CNTNAP2: variants seen among roughly 807,000 people sequenced by gnomAD.
CNTNAP2 encodes contactin-associated protein-like 2.
In CNTNAP2, 98 loss-of-function variants were observed where a neutral mutation model predicts 155.2. The ratio of observed to expected loss-of-function variants is 0.63; its 90% CI spans 0.54 to 0.75. The LOEUF (loss-of-function observed/expected upper bound fraction) is 0.75. Ranked by LOEUF, CNTNAP2 falls within the 30% of genes least tolerant of loss-of-function variation. CNTNAP2 has a pLI of 0.00. For synonymous variants in CNTNAP2, 651 were observed against 631.2 expected (o/e 1.03, Z -0.47); for missense variants, 1,727 against 1,688.1 (o/e 1.02, Z -0.40).
intron 1 of CNTNAP2, among the ~76,000 whole-genome samples, chr7:146,508,778 C>T (rs961946083): frequency 1.3e-5 from 2 of 152,208 alleles, no homozygotes; most frequent in Non-Finnish European, 2.9e-5. Flanking sequence ...ATTGGTGATT[C>T]AGGGACAATT....
At position 147,433,833 on chromosome 7, in the gene CNTNAP2, T is replaced by C. The variant is rs1206056695; in HGVS notation, c.1670+38053T>C. ...TCGAAAAGGAACTTATTTTCTTTGA[T>C]ATGTCTTGTTGTATGACCTTGGTAG... On this transcript the variant is annotated intron_variant, in intron 10 of 23. Transcript: ENST00000361727. Among the ~76,000 whole-genome samples the C allele has an allele frequency of 3.3e-5, 5 of 152,242 alleles. No individual in the cohort carries two copies. In the East Asian group the frequency reaches 7.7e-4, roughly 23 times the overall value.
intron 1 of CNTNAP2, among the ~76,000 whole-genome samples, chr7:146,536,429 A>G (rs1217951298): frequency 2.0e-5 from 3 of 152,028 alleles, no homozygotes; most frequent in Non-Finnish European, 4.4e-5. Flanking sequence ...AAGGAAGAAA[A>G]ACAGGAAAGT....
At chr7:146,655,311 G>A (rs983687916) in intron 1 of CNTNAP2, among the ~76,000 whole-genome samples, 17 of 149,464 alleles carry the variant, frequency 1.1e-4, no homozygotes, top group African/African-American at 3.2e-4. Flanking sequence ...CTACTCAGAA[G>A]GCTGAGGCAA....
intron 1 of CNTNAP2, among the ~76,000 whole-genome samples, chr7:146,294,096 C>A (rs1342086288): frequency 6.6e-6 from 1 of 152,120 alleles, no homozygotes; most frequent in Non-Finnish European, 1.5e-5. Context: ...CTGGGCTTTC[C>A]CTTCTGGCTA....
chr7:147,082,714 C>A (rs1328607970), intron 4 of CNTNAP2: 1 of 152,078 alleles, frequency 6.6e-6, no homozygotes, highest in African/African-American at 2.4e-5. Flanking sequence ...TTAGTTCTTA[C>A]TAAAAATTCT....
At chr7:146,910,251 T>A (rs1445788254) in intron 3 of CNTNAP2, among the ~76,000 whole-genome samples, 1 of 148,274 alleles carries the variant, frequency 6.7e-6, no homozygotes, top group Non-Finnish European at 1.5e-5. Context: ...ACAGATTCAA[T>A]GCCATCCCCA....
intron 1 of CNTNAP2, among the ~76,000 whole-genome samples, chr7:146,235,591 C>T (rs1799459156): frequency 1.3e-5 from 2 of 152,190 alleles, no homozygotes; most frequent in Admixed American, 1.3e-4. Context: ...ATCATCTTCT[C>T]TGGGGCATAA....
chr7:147,426,961 A>G (rs975534111), intron 10 of CNTNAP2, among the ~76,000 whole-genome samples: 1 of 152,202 alleles, frequency 6.6e-6, no homozygotes, highest in African/African-American at 2.4e-5. Context: ...GTGTTGTTAT[A>G]ACAAAATACC....
At chr7:147,164,523 A>T (rs185579110) in intron 8 of CNTNAP2, among the ~76,000 whole-genome samples, 3 of 152,360 alleles carry the variant, frequency 2.0e-5, no homozygotes, top group East Asian at 3.9e-4. Context: ...TTTATGGAGT[A>T]CACTGTGAAC....
chr7:146,859,776 T>A (rs1172963177), intron 3 of CNTNAP2, among the ~76,000 whole-genome samples: 1 of 151,812 alleles, frequency 6.6e-6, no homozygotes, highest in Non-Finnish European at 1.5e-5. Context: ...CCACAAATCA[T>A]AAGTGATTGA....
chr7:146,599,494 C>T (rs746452795), intron 1 of CNTNAP2, among the ~76,000 whole-genome samples: 27 of 152,158 alleles, frequency 1.8e-4, no homozygotes, highest in Admixed American at 3.9e-4. Flanking sequence ...ATCCACTTTC[C>T]TTCCTCCTTT....
intron 1 of CNTNAP2, among the ~76,000 whole-genome samples, chr7:146,610,152 T>G (rs1799110538): frequency 6.6e-6 from 1 of 152,202 alleles, no homozygotes; most frequent in South Asian, 2.1e-4. Flanking sequence ...ATAATAATCA[T>G]CATTTTCAGG....
Position 146,720,938 on chromosome 7 carries a change from T to TCTATATA in CNTNAP2, c.98-53333_98-53332insCTATATA, listed in dbSNP as rs1491381567. On this transcript the variant is annotated intron_variant, in intron 1 of 23. Coordinates refer to ENST00000361727, the MANE Select transcript of CNTNAP2 (RefSeq NM_014141.6). ...CTCTCTATATATTCTATATATATAC[T>TCTATATA]TTCTCTATATATTCTATATATATAC... 4.7e-4 allele frequency among the ~76,000 whole-genome samples: 64 copies of TCTATATA among 136,814 alleles called. 1 individual carries two copies. The highest frequency in any genetic ancestry group is 1.8e-3 in the African/African-American group (62 of 34,996). 89.8% of individuals were successfully genotyped at this position (136,814 alleles called of 152,430 possible). A position where few individuals can be genotyped will look rare whatever the true frequency, so the allele number is the denominator to read the frequency against.
At chr7:147,070,033 T>C (rs915268904) in intron 4 of CNTNAP2, among the ~76,000 whole-genome samples, 3 of 152,194 alleles carry the variant, frequency 2.0e-5, no homozygotes, top group African/African-American at 7.2e-5. Context: ...AAATAAGACC[T>C]GTGATATGTC....
chr7:147,007,215 T>G (rs532651799), intron 3 of CNTNAP2, among the ~76,000 whole-genome samples: 1 of 152,220 alleles, frequency 6.6e-6, no homozygotes, highest in East Asian at 1.9e-4. Context: ...CCTATTGAAG[T>G]GATTTTTCTG....
rs113448196 is a variant in CNTNAP2, at chr7:146,244,166, A to T, written c.97+127193A>T. On this transcript the variant is annotated intron_variant, in intron 1 of 23. Transcript: ENST00000361727. ...GAATTGGGACGACTCAGGACATCTGATTAGAGAGTGCCTAAGGAGGTTCAG... is the reference window on the plus strand; with the variant it reads ...GAATTGGGACGACTCAGGACATCTGTTTAGAGAGTGCCTAAGGAGGTTCAG... Among the ~76,000 whole-genome samples the T allele has an allele frequency of 2.2e-3, 333 of 152,312 alleles. 2 individuals are homozygous for T. Among genetic ancestry groups the T allele is most frequent in the African/African-American group, 7.8e-3 (324 of 41,566 alleles).
chr7:146,567,027 T>C (rs1197220652), intron 1 of CNTNAP2, among the ~76,000 whole-genome samples: 2 of 152,200 alleles, frequency 1.3e-5, no homozygotes, highest in African/African-American at 4.8e-5. Flanking sequence ...GACAGCAACC[T>C]TAGTTATTTC....
intron 1 of CNTNAP2, among the ~76,000 whole-genome samples, chr7:146,696,868 A>G: frequency 6.6e-6 from 1 of 152,130 alleles, no homozygotes. Flanking sequence ...TTCTGGTGTA[A>G]CAGTATACTT....
intron 1 of CNTNAP2, among the ~76,000 whole-genome samples, chr7:146,303,402 T>TA (rs397944844): frequency 2.0e-5 from 3 of 151,788 alleles, no homozygotes; most frequent in Middle Eastern, 6.3e-3. Context: ...GTTTTTTTTT[T>TA]AATTATTGTA....
Sources: gnomAD v4.1 joint callset for allele counts (sites outside exome capture counted in the v4.1 genomes callset) on GRCh38, gnomAD v4.1.1 for gene constraint, MANE v1.5 for transcripts, NCBI Gene and HGNC (gene_info 2026-07-23, HGNC 2026-07-21) for gene names.